Variants in WASHC3 observed in about 807,000 individuals in gnomAD.
The protein encoded by WASHC3 is WASH complex subunit 3.
In WASHC3, 24 loss-of-function variants were observed where a neutral mutation model predicts 26.1. The observed-to-expected ratio is 0.92, with a 90% CI of 0.66 to 1.29. WASHC3 has a LOEUF of 1.29. Ranked by LOEUF, WASHC3 falls within the 50% of genes most tolerant of loss-of-function variation. WASHC3 has a pLI of 0.00. For synonymous variants in WASHC3, 77 were observed against 75.7 expected (o/e 1.02, Z -0.09); for missense variants, 214 against 229.6 (o/e 0.93, Z 0.44).
At chr12:102,057,786 G>A (rs1455882413) in intron 2 of WASHC3, among the ~76,000 whole-genome samples, 3 of 151,932 alleles carry the variant, frequency 2.0e-5, no homozygotes, top group African/African-American at 2.4e-5. Context: ...GAAAGATAAC[G>A]TGTGTTCATG....
intron 5 of WASHC3, among the ~76,000 whole-genome samples, chr12:102,026,766 T>C (rs2121353136): frequency 6.6e-6 from 1 of 152,340 alleles, no homozygotes; most frequent in Admixed American, 6.5e-5. Context: ...GGTGAAGCTC[T>C]AAGGGGAGAA....
chr12:102,046,926 A>C (rs1264199859), intron 2 of WASHC3, among the ~76,000 whole-genome samples: 1 of 152,214 alleles, frequency 6.6e-6, no homozygotes, highest in African/African-American at 2.4e-5. Flanking sequence ...CTGTAGTTTG[A>C]AAAATAAAGG....
chr12:102,015,290 CA>C (rs138543592), intron 6 of WASHC3, among the ~76,000 whole-genome samples: 23 of 143,056 alleles, frequency 1.6e-4, no homozygotes, highest in African/African-American at 1.6e-4. Flanking sequence ...AACCCTGTCT[CA>C]AAAAAAAAAG....
At chr12:102,032,402 TA>T (rs1448011902) in intron 5 of WASHC3, among the ~76,000 whole-genome samples, 1 of 152,134 alleles carries the variant, frequency 6.6e-6, no homozygotes, top group African/African-American at 2.4e-5. Flanking sequence ...GATCTGCCAG[TA>T]AAAAGGGGAG....
intron 2 of WASHC3, among the ~76,000 whole-genome samples, chr12:102,056,608 A>C (rs1878602781): frequency 1.3e-5 from 2 of 152,244 alleles, no homozygotes; most frequent in African/African-American, 2.4e-5. Context: ...AAAACAAAAG[A>C]AATATGAAGG....
chr12:102,025,863 A>G lies in WASHC3; in HGVS notation c.500+111T>C, dbSNP rs1594351943. Reference sequence around the variant, plus strand: ...CACTATTTACAAAGATGATATCCTCAACCATAAAACACTGTAGGAATAAAA... The same window carrying G: ...CACTATTTACAAAGATGATATCCTCGACCATAAAACACTGTAGGAATAAAA... On this transcript the variant is annotated intron_variant, in intron 6 of 6. Transcript: ENST00000240079. 12 of 672,880 alleles carry G rather than the reference A, an allele frequency of 1.8e-5. No individual in the cohort carries two copies. In the East Asian group the frequency reaches 3.3e-4, roughly 19 times the overall value. The allele number at this position is 672,880 out of a possible 1,614,324, so 41.7% of individuals were successfully genotyped here.
At chr12:102,034,504 A>G (rs1877569125) in intron 5 of WASHC3, among the ~76,000 whole-genome samples, 1 of 152,176 alleles carries the variant, frequency 6.6e-6, no homozygotes, top group South Asian at 2.1e-4. Context: ...GCTGAAGAAT[A>G]ATATTTTAGG....
intron 6 of WASHC3, among the ~76,000 whole-genome samples, chr12:102,015,334 A>T (rs1173911040): frequency 6.6e-6 from 1 of 152,170 alleles, no homozygotes; most frequent in Non-Finnish European, 1.5e-5. Flanking sequence ...GACCAGAAGA[A>T]ACTGAAACTA....
intron 3 of WASHC3, among the ~76,000 whole-genome samples, chr12:102,045,030 G>A (rs1427716912): frequency 6.6e-6 from 1 of 151,666 alleles, no homozygotes; most frequent in African/African-American, 2.4e-5. Flanking sequence ...TAACTCCCAG[G>A]AATTCCTTAA....
intron 3 of WASHC3, 38 bp from the exon 4 acceptor site, chr12:102,044,250 T>A: frequency 9.6e-7 from 1 of 1,043,254 alleles, no homozygotes; most frequent in Non-Finnish European, 1.4e-6. Flanking sequence ...ATGAAGATAG[T>A]ACTTGCATAA....
At chr12:102,038,464 A>G (rs1055253299) in intron 5 of WASHC3, among the ~76,000 whole-genome samples, 5 of 152,238 alleles carry the variant, frequency 3.3e-5, no homozygotes, top group African/African-American at 1.2e-4. Context: ...AGGGGCTAAC[A>G]TAAAAAATCT....
At chr12:102,049,045 G>A (rs1238210595) in intron 2 of WASHC3, among the ~76,000 whole-genome samples, 1 of 152,222 alleles carries the variant, frequency 6.6e-6, no homozygotes, top group Non-Finnish European at 1.5e-5. Context: ...TCATTTCTAA[G>A]ATGTGTATGC....
intron 6 of WASHC3, among the ~76,000 whole-genome samples, chr12:102,016,353 C>T (rs1214957730): frequency 6.6e-6 from 1 of 151,694 alleles, no homozygotes; most frequent in South Asian, 2.1e-4. Context: ...TACAGGCATG[C>T]ACCACCATGC....
At position 102,024,626 on chromosome 12, in the gene WASHC3, T is replaced by G. The variant is rs192365160; in HGVS notation, c.500+1348A>C. 2.0e-3 allele frequency among the ~76,000 whole-genome samples: 301 copies of G among 152,368 alleles called. 4 individuals are homozygous for G. Among genetic ancestry groups the G allele is most frequent in the African/African-American group, 6.8e-3 (284 of 41,590 alleles). The stretch of plus-strand genomic sequence containing the variant: ...AGGTAAAAGGCTTGGATATCCAGCA[T>G]ATGCTGATGCTTATAGGGTGCTAGT... On this transcript the variant is annotated intron_variant, in intron 6 of 6. Coordinates refer to ENST00000240079, the MANE Select transcript of WASHC3 (RefSeq NM_016053.4).
At chr12:102,039,696 T>A (rs767587654) in intron 5 of WASHC3, among the ~76,000 whole-genome samples, 172 bp downstream of exon 5, 8 of 151,790 alleles carry the variant, frequency 5.3e-5, no homozygotes, top group Non-Finnish European at 1.2e-4. Context: ...AGATTTGACT[T>A]CCTTTTTTTT....
intron 5 of WASHC3, among the ~76,000 whole-genome samples, chr12:102,027,074 T>C (rs997704699): frequency 6.6e-6 from 1 of 152,230 alleles, no homozygotes; most frequent in Non-Finnish European, 1.5e-5. Flanking sequence ...TAATTGCACA[T>C]GTTTATGTGT....
chr12:102,047,691 T>C (rs1878219562), intron 2 of WASHC3, among the ~76,000 whole-genome samples: 1 of 152,146 alleles, frequency 6.6e-6, no homozygotes, highest in South Asian at 2.1e-4. Flanking sequence ...TTCCAACTTA[T>C]TTAAAAATGG....
chr12:102,045,433 T>C (rs1033556603), intron 3 of WASHC3, among the ~76,000 whole-genome samples: 1 of 152,220 alleles, frequency 6.6e-6, no homozygotes, highest in African/African-American at 2.4e-5. Context: ...AAAGAAAATA[T>C]TAACTTCAGG....
chr12:102,015,811 T>G (rs961016401), intron 6 of WASHC3, among the ~76,000 whole-genome samples: 1 of 152,212 alleles, frequency 6.6e-6, no homozygotes, highest in Non-Finnish European at 1.5e-5. Context: ...AGTGATGAAC[T>G]GCATAGGACG....
Sources: allele counts gnomAD v4.1 joint callset (sites outside exome capture counted in the v4.1 genomes callset), GRCh38; gene constraint gnomAD v4.1.1; transcripts MANE v1.5; gene names NCBI Gene and HGNC (gene_info 2026-07-23, HGNC 2026-07-21).